ABCC4: variants seen among roughly 807,000 people sequenced by gnomAD.
ABCC4 encodes the protein ATP binding cassette subfamily C member 4 (PEL blood group), also known as ATP-binding cassette sub-family C member 4.
Under a neutral mutation model 168.5 loss-of-function variants are expected in ABCC4, and 102 were observed. The ratio of observed to expected loss-of-function variants is 0.61; its 90% CI spans 0.52 to 0.71. ABCC4 has a LOEUF of 0.71. Among genes scored for constraint, ABCC4 ranks in the 30% least tolerant of loss-of-function variants. The pLI is 0.00. For synonymous variants in ABCC4, 617 were observed against 590.7 expected, an observed-to-expected ratio of 1.04 and a Z score of -0.65; for missense variants, 1,402 against 1,605.8, an observed-to-expected ratio of 0.87 and a Z score of 2.17.
chr13:95,287,990 C>A (rs147787495), intron 1 of ABCC4, among the ~76,000 whole-genome samples: 1 of 151,924 alleles, frequency 6.6e-6, no homozygotes, highest in Non-Finnish European at 1.5e-5. Context: ...TGCAGTGAGC[C>A]GAAATCGCAC....
chr13:95,222,681 A>C (rs1311385249), intron 4 of ABCC4, among the ~76,000 whole-genome samples: 1 of 152,194 alleles, frequency 6.6e-6, no homozygotes, highest in Non-Finnish European at 1.5e-5. Flanking sequence ...TCACCAGACC[A>C]GAGTGCGGAA....
chr13:95,293,623 C>CCAT lies in ABCC4; in HGVS notation c.74+7617_74+7618insATG, dbSNP rs1566607196. ...CTGGGACTACAGGTGCATGCCACCA[C>CCAT]GCCCAGCTAATTTTTGTATTTTTAG... On this transcript the variant is annotated intron_variant, in intron 1 of 30. Transcript: ENST00000645237. Among the ~76,000 whole-genome samples the CCAT allele has an allele frequency of 8.6e-5, 13 of 151,528 alleles. No homozygotes were observed. The East Asian group carries it at 1.6e-3, about 19-fold the overall frequency.
chr13:95,186,263 G>A (rs1206618916), intron 11 of ABCC4, among the ~76,000 whole-genome samples: 2 of 149,272 alleles, frequency 1.3e-5, no homozygotes, highest in Non-Finnish European at 3.0e-5. Flanking sequence ...AAATACAATT[G>A]AGGCCAAGGG....
intron 4 of ABCC4, among the ~76,000 whole-genome samples, chr13:95,227,165 A>C (rs1374871948): frequency 2.0e-5 from 3 of 152,134 alleles, no homozygotes; most frequent in Non-Finnish European, 4.4e-5. Context: ...CGCATCTGAC[A>C]CTCCTAAATC....
At chr13:95,104,259 G>A (rs1283799293) in intron 20 of ABCC4, among the ~76,000 whole-genome samples, 1 of 152,054 alleles carries the variant, frequency 6.6e-6, no homozygotes, top group Non-Finnish European at 1.5e-5. Flanking sequence ...GATTACAGGT[G>A]TGCACCACCA....
intron 8 of ABCC4, among the ~76,000 whole-genome samples, chr13:95,199,665 T>C (rs2038567202): frequency 6.6e-6 from 1 of 152,176 alleles, no homozygotes; most frequent in African/African-American, 2.4e-5. Flanking sequence ...CTACTTGGTC[T>C]GAGTCCAAAT....
intron 21 of ABCC4, among the ~76,000 whole-genome samples, chr13:95,080,471 C>A (rs1414816361): frequency 6.6e-6 from 1 of 152,148 alleles, no homozygotes; most frequent in African/African-American, 2.4e-5. Context: ...AATCTCGGCT[C>A]ACCTCAACCT....
intron 20 of ABCC4, among the ~76,000 whole-genome samples, chr13:95,108,641 C>CTTTTTTT (rs11396828): frequency 1.0e-4 from 15 of 145,200 alleles, no homozygotes; most frequent in Non-Finnish European, 1.4e-4. Flanking sequence ...AATCTATTTT[C>CTTTTTTT]TTTTTTTTTT....
At chr13:95,151,590 AAGAAGGAGG>A (rs1348695445) in intron 19 of ABCC4, among the ~76,000 whole-genome samples, 1 of 136,900 alleles carries the variant, frequency 7.3e-6, no homozygotes, top group African/African-American at 3.0e-5. Flanking sequence ...GGAGAAGGAG[AAGAAGGAGG>A]AGGAGAAGGA....
chr13:95,293,446 T>A (rs1179756388), intron 1 of ABCC4, among the ~76,000 whole-genome samples: 1 of 152,118 alleles, frequency 6.6e-6, no homozygotes, highest in Non-Finnish European at 1.5e-5. Context: ...GATGAACTCC[T>A]GCAGCAGCGA....
chr13:95,195,971 A>G (rs2038403791), intron 8 of ABCC4, among the ~76,000 whole-genome samples: 1 of 152,152 alleles, frequency 6.6e-6, no homozygotes, highest in Non-Finnish European at 1.5e-5. Context: ...GTCCCCTCCT[A>G]GACAGCAGAA....
intron 29 of ABCC4, among the ~76,000 whole-genome samples, chr13:95,036,192 TC>T (rs1209423912): frequency 2.0e-5 from 3 of 152,220 alleles, no homozygotes; most frequent in Admixed American, 6.5e-5. Context: ...TACAGGTCTC[TC>T]TAATGCTAAA....
At chr13:95,297,750 C>G (rs369489758) in intron 1 of ABCC4, among the ~76,000 whole-genome samples, 1 of 152,080 alleles carries the variant, frequency 6.6e-6, no homozygotes, top group African/African-American at 2.4e-5. Flanking sequence ...GCAGGCAGAT[C>G]GCTGGAGCTC....
chr13:95,131,044 A>G (rs1278236360), intron 19 of ABCC4, among the ~76,000 whole-genome samples: 1 of 152,158 alleles, frequency 6.6e-6, no homozygotes, highest in Non-Finnish European at 1.5e-5. Flanking sequence ...AAATGTGCTG[A>G]GATTATAATA....
intron 4 of ABCC4, among the ~76,000 whole-genome samples, chr13:95,220,141 T>G (rs1474120527): frequency 6.6e-6 from 1 of 151,902 alleles, no homozygotes; most frequent in Non-Finnish European, 1.5e-5. Context: ...ACTGGGATTA[T>G]AGGTGTGAAC....
chr13:95,173,664 C>A (rs1379095190), intron 13 of ABCC4, among the ~76,000 whole-genome samples: 1 of 152,190 alleles, frequency 6.6e-6, no homozygotes, highest in Admixed American at 6.5e-5. Context: ...GGACTTAGAA[C>A]TGTAGCTTAA....
intron 20 of ABCC4, among the ~76,000 whole-genome samples, chr13:95,090,469 G>T (rs754140263): frequency 6.6e-6 from 1 of 152,142 alleles, no homozygotes; most frequent in Non-Finnish European, 1.5e-5. Flanking sequence ...GCAGACAACC[G>T]CCAGTGCCAA....
chr13:95,207,637 C>T (rs1291953322), intron 7 of ABCC4, among the ~76,000 whole-genome samples, 163 bp downstream of exon 7: 3 of 152,284 alleles, frequency 2.0e-5, no homozygotes, highest in East Asian at 1.9e-4. Context: ...GTGAAAATAA[C>T]GTTCTCTACC....
intron 1 of ABCC4, among the ~76,000 whole-genome samples, chr13:95,255,355 G>A (rs973173980): frequency 1.3e-5 from 2 of 152,170 alleles, no homozygotes; most frequent in African/African-American, 4.8e-5. Context: ...AGGGGAGCCC[G>A]ACACACCTGA....
Sources: allele counts gnomAD v4.1 joint callset (sites outside exome capture counted in the v4.1 genomes callset), GRCh38; gene constraint gnomAD v4.1.1; transcripts MANE v1.5; gene names NCBI Gene and HGNC (gene_info 2026-07-23, HGNC 2026-07-21).